Variants in LRP2 observed in about 807,000 individuals in gnomAD.
LRP2 encodes the protein LDL receptor related protein 2, also known as low-density lipoprotein receptor-related protein 2.
Under a neutral mutation model 531.0 loss-of-function variants are expected in LRP2, and 172 were observed. The observed-to-expected ratio is 0.32, with a 90% confidence interval of 0.29 to 0.37. The LOEUF is 0.37. Ranked by LOEUF, LRP2 falls within the 10% of genes least tolerant of loss-of-function variation. LRP2 has a pLI of 1.00. For missense variants in LRP2, 5,167 were observed against 5,868.3 expected (o/e 0.88, Z 3.90); for synonymous variants, 1,992 against 2,027.6 (o/e 0.98, Z 0.47).
chr2:169,264,061 A>G (rs1690687259), intron 16 of LRP2, among the ~76,000 whole-genome samples: 1 of 152,122 alleles, frequency 6.6e-6, no homozygotes, highest in Admixed American at 6.6e-5. Flanking sequence ...ACACATGGAC[A>G]CAGGAAGGGG....
intron 1 of LRP2, among the ~76,000 whole-genome samples, chr2:169,357,552 G>A (rs1186599971): frequency 1.3e-5 from 2 of 151,446 alleles, no homozygotes; most frequent in African/African-American, 4.9e-5. Context: ...GGCAGGTCTC[G>A]ATCTCCTGAC....
In LRP2 at chr2:169,205,580, T is replaced by A. The variant is rs190657861; in HGVS notation, c.7614A>T (p.Gly2538=). The A allele has an allele frequency of 1.2e-6, 2 of 1,613,818 alleles. No homozygotes were observed. Among genetic ancestry groups the A allele is most frequent in the Non-Finnish European group, 1.7e-6 (2 of 1,179,970 alleles). Residue 2538 remains glycine, a synonymous_variant, in exon 41 of 79, where the codon GGA becomes GGT. Transcript: ENST00000649046. ...THAKIERATL[G]GNFRVPIVNS... ...TCACAATGGGTACGCGGAAGTTTCCTCCCAATGTGGCTCTCTCGATTTTGG... is the reference window on the plus strand; with the variant it reads ...TCACAATGGGTACGCGGAAGTTTCCACCCAATGTGGCTCTCTCGATTTTGG...
intron 6 of LRP2, 95 bp from the exon 7 acceptor site, chr2:169,292,464 T>C (rs191139087): frequency 1.1e-5 from 9 of 838,886 alleles, no homozygotes; most frequent in South Asian, 8.2e-5. Context: ...CTCCTAGAAA[T>C]TGAAATTTCT....
At chr2:169,338,355 AGAAG>A (rs1376437176) in intron 1 of LRP2, among the ~76,000 whole-genome samples, 6,753 of 112,000 alleles carry the variant, frequency 0.06, 141 homozygotes, top group Non-Finnish European at 0.067. Flanking sequence ...AAGGAAAGAA[AGAAG>A]GAAAGAAAGA....
intron 1 of LRP2, among the ~76,000 whole-genome samples, chr2:169,326,407 G>A (rs1285795879): frequency 6.8e-6 from 1 of 147,742 alleles, no homozygotes. Context: ...TGGTGGAGAC[G>A]GGGTTTCACT....
intron 3 of LRP2, among the ~76,000 whole-genome samples, chr2:169,310,564 G>A (rs1684565276): frequency 6.6e-6 from 1 of 152,180 alleles, no homozygotes; most frequent in African/African-American, 2.4e-5. Flanking sequence ...CTTGATCATG[G>A]TGGATAAACT....
chr2:169,211,035 A>G (rs972823865), intron 37 of LRP2, among the ~76,000 whole-genome samples: 1 of 152,174 alleles, frequency 6.6e-6, no homozygotes, highest in African/African-American at 2.4e-5. Context: ...TGGGAGAAAA[A>G]AACTATTGAA....
chr2:169,163,837 G>A (rs1686678526), intron 62 of LRP2, among the ~76,000 whole-genome samples: 1 of 152,110 alleles, frequency 6.6e-6, no homozygotes, highest in African/African-American at 2.4e-5. Flanking sequence ...ATTTGCAGAG[G>A]AAAATAGACA....
chr2:169,142,485 A>G (rs1327094307), intron 71 of LRP2, among the ~76,000 whole-genome samples, 189 bp downstream of exon 71: 5 of 152,216 alleles, frequency 3.3e-5, no homozygotes, highest in Non-Finnish European at 5.9e-5. Flanking sequence ...CTCAGCAGTC[A>G]CTGGAACACA....
chr2:169,174,537 A>G (rs185448307), intron 55 of LRP2, among the ~76,000 whole-genome samples: 4 of 152,166 alleles, frequency 2.6e-5, no homozygotes. Flanking sequence ...TTGATTATTT[A>G]TTTATTTTCT....
chr2:169,324,694 G>T (rs1684998379), intron 1 of LRP2, among the ~76,000 whole-genome samples: 2 of 151,754 alleles, frequency 1.3e-5, no homozygotes, highest in Admixed American at 1.3e-4. Flanking sequence ...TCCTGGGTAA[G>T]TGTTGGACTA....
intron 44 of LRP2, 108 bp from the exon 45 acceptor site, chr2:169,199,019 C>A: frequency 8.5e-7 from 1 of 1,179,630 alleles, no homozygotes; most frequent in Non-Finnish European, 1.2e-6. Flanking sequence ...ACTGGAAGGG[C>A]GGCATTTTCA....
chr2:169,155,326 CTTAG>C (rs906452270), intron 65 of LRP2, among the ~76,000 whole-genome samples: 10 of 152,168 alleles, frequency 6.6e-5, no homozygotes, highest in Middle Eastern at 3.4e-3. Context: ...CAGTCATGTC[CTTAG>C]TTAAAGGATT....
intron 63 of LRP2, among the ~76,000 whole-genome samples, chr2:169,158,828 G>T (rs13021137): frequency 0.49 from 73,873 of 149,502 alleles, 18,691 homozygotes; most frequent in Admixed American, 0.61. Context: ...ACTTTTGATT[G>T]TTATTGAACT....
chr2:169,267,325 C>A (rs1432488950), intron 16 of LRP2, among the ~76,000 whole-genome samples: 1 of 152,126 alleles, frequency 6.6e-6, no homozygotes, highest in East Asian at 1.9e-4. Flanking sequence ...CCACATCGCA[C>A]TTATTCCAAA....
At chr2:169,236,642 C>T (rs1415532646) in intron 28 of LRP2, among the ~76,000 whole-genome samples, 1 of 152,096 alleles carries the variant, frequency 6.6e-6, no homozygotes, top group East Asian at 1.9e-4. Context: ...CTCTATCTTC[C>T]CTTCAGGATC....
intron 1 of LRP2, among the ~76,000 whole-genome samples, chr2:169,335,954 G>T (rs1685390884): frequency 6.6e-6 from 1 of 150,886 alleles, no homozygotes; most frequent in African/African-American, 2.4e-5. Context: ...GGCAGAAGTT[G>T]CAGTGAGCCA....
chr2:169,143,614 C>A (rs1351025543), intron 70 of LRP2, among the ~76,000 whole-genome samples: 1 of 152,150 alleles, frequency 6.6e-6, no homozygotes, highest in East Asian at 1.9e-4. Context: ...CCACTGCACT[C>A]CAGCCAGGGC....
chr2:169,170,735 T>C, intron 58 of LRP2, 68 bp from the exon 59 acceptor site: 2 of 1,105,886 alleles, frequency 1.8e-6, no homozygotes, highest in Non-Finnish European at 2.8e-6. Context: ...TCTTGTGAGC[T>C]GACCATAGTG....
Sources: gnomAD v4.1 joint callset for allele counts (sites outside exome capture counted in the v4.1 genomes callset) on GRCh38, gnomAD v4.1.1 for gene constraint, MANE v1.5 for transcripts, NCBI Gene and HGNC (gene_info 2026-07-23, HGNC 2026-07-21) for gene names.